Variants in PTGER4 observed in about 807,000 individuals in gnomAD.
PTGER4 encodes prostaglandin E receptor 4, also known as prostaglandin E2 receptor EP4 subtype.
Under a neutral mutation model 33.2 loss-of-function variants are expected in PTGER4, and 11 were observed. The ratio of observed to expected loss-of-function variants is 0.33; its 90% CI spans 0.21 to 0.55. The LOEUF (loss-of-function observed/expected upper bound fraction) is 0.55, where lower values mean the gene tolerates loss of function less well. Among genes scored for constraint, PTGER4 ranks in the 20% least tolerant of loss-of-function variants. The pLI is 0.92. For synonymous variants in PTGER4, 275 were observed against 281.5 expected (o/e 0.98, Z 0.23); for missense variants, 481 against 650.2 (o/e 0.74, Z 2.83).
At chr5:40,704,006 CA>C in the PTGER4 span, among the ~76,000 whole-genome samples, 1 of 142,518 alleles carries the variant, frequency 7.0e-6, no homozygotes, top group South Asian at 2.3e-4. Context: ...AGCTTAATAC[CA>C]AAACCTGGCA....
chr5:40,730,418 G>A, the PTGER4 span: 1 of 1,184,150 alleles, frequency 8.4e-7, no homozygotes, highest in Non-Finnish European at 1.2e-6. Context: ...AATTTTTATT[G>A]TAGTAAAATA....
At chr5:40,696,065 C>T (rs1237110484), downstream of PTGER4, among the ~76,000 whole-genome samples, 1 of 152,080 alleles carries the variant, frequency 6.6e-6, no homozygotes, top group Non-Finnish European at 1.5e-5. Flanking sequence ...CTCCCCGAAT[C>T]TAAAATAAAA....
At chr5:40,706,913 A>C in the PTGER4 span, among the ~76,000 whole-genome samples, 9 of 152,124 alleles carry the variant, frequency 5.9e-5, no homozygotes, top group African/African-American at 9.7e-5. Context: ...CCCAGAATTT[A>C]ATATCCAGCC....
chr5:40,728,531 T>C, the PTGER4 span: 1 of 1,490,434 alleles, frequency 6.7e-7, no homozygotes, highest in Non-Finnish European at 9.0e-7. Context: ...AACTAGCAAC[T>C]ACATAAAAAA....
At chr5:40,701,123 C>G in the PTGER4 span, among the ~76,000 whole-genome samples, 5 of 152,298 alleles carry the variant, frequency 3.3e-5, no homozygotes, top group Non-Finnish European at 5.9e-5. Flanking sequence ...CTCCAATGGT[C>G]AGAGTGTCCT....
chr5:40,720,025 CAA>C, the PTGER4 span, among the ~76,000 whole-genome samples: 2 of 152,130 alleles, frequency 1.3e-5, no homozygotes, highest in Admixed American at 6.5e-5. Flanking sequence ...TTTTGAAGCA[CAA>C]AAGTGTTTAA....
At chr5:40,696,532 C>G, downstream of PTGER4, 1 of 322,860 alleles carries the variant, frequency 3.1e-6, no homozygotes, top group Non-Finnish European at 4.5e-6. Context: ...ACAGCTGGTG[C>G]TTTAGCCCCA....
At chr5:40,745,786 G>A in the PTGER4 span, among the ~76,000 whole-genome samples, 1 of 151,182 alleles carries the variant, frequency 6.6e-6, no homozygotes, top group Non-Finnish European at 1.5e-5. Context: ...CCAGGGTGGA[G>A]GGCAGTGGCA....
Position 40,681,874 on chromosome 5 carries a change from G to A in PTGER4, c.867+14G>A. 2 of 1,492,330 alleles carry A rather than the reference G, an allele frequency of 1.3e-6. No homozygotes were observed. Among genetic ancestry groups the A allele is most frequent in the African/African-American group, 1.5e-5 (1 of 68,036 alleles). 92.4% of individuals were successfully genotyped at this position (1,492,330 alleles called of 1,614,324 possible). The stretch of plus-strand genomic sequence containing the variant: ...ATCCCGCTCGTGGTGAGTGACCGGG[G>A]CTGGGGCCCTACTCGGCCTTTTTCT... On this transcript the variant is annotated intron_variant, in intron 2 of 2. Transcript: ENST00000302472. This position sits in a 1 kb window ranked among gnomAD's most constrained non-coding sequence, Gnocchi z 9.8.
intron 2 of PTGER4, among the ~76,000 whole-genome samples, chr5:40,686,984 C>A (rs921082465): frequency 6.6e-6 from 1 of 152,120 alleles, no homozygotes; most frequent in Non-Finnish European, 1.5e-5. Flanking sequence ...TAGAAAAAGA[C>A]TTAAAATTGG....
rs1741498266 is a variant in PTGER4 at position 40,692,438 on chromosome 5, C to T, written c.*60C>T. ...CCCTTATAAAATCCTGTGCAATAGA[C>T]ACATACATGTCACATTTAGCTGTGC... On this transcript the variant is annotated 3_prime_UTR_variant, in exon 3 of 3. Coordinates refer to ENST00000302472, the MANE Select transcript of PTGER4 (RefSeq NM_000958.3). 8.6e-6 allele frequency: 13 copies of T among 1,512,012 alleles called. No individual in the cohort carries two copies. Among genetic ancestry groups the T allele is most frequent in the Admixed American group, 6.6e-5 (3 of 45,550 alleles). 93.7% of individuals were successfully genotyped at this position (1,512,012 alleles called of 1,614,324 possible).
chr5:40,730,208 C>A, the PTGER4 span: 1 of 1,397,964 alleles, frequency 7.2e-7, no homozygotes, highest in East Asian at 2.3e-5. Flanking sequence ...GCTCACTCAC[C>A]GAACAAACAT....
the PTGER4 span, among the ~76,000 whole-genome samples, chr5:40,741,142 A>G: frequency 1.3e-5 from 2 of 152,224 alleles, no homozygotes; most frequent in South Asian, 4.1e-4. Context: ...TTAGATGCTG[A>G]ATATTTTAAA....
chr5:40,735,216 A>G, the PTGER4 span, among the ~76,000 whole-genome samples: 4 of 152,378 alleles, frequency 2.6e-5, no homozygotes, highest in South Asian at 8.3e-4. Context: ...CAGAGTTTTT[A>G]TACAACAGTG....
At chr5:40,700,039 T>C in the PTGER4 span, among the ~76,000 whole-genome samples, 2 of 152,212 alleles carry the variant, frequency 1.3e-5, no homozygotes, top group Non-Finnish European at 1.5e-5. Context: ...ACATGTTAGG[T>C]ATGTAGAACA....
chr5:40,685,458 A>C, intron 2 of PTGER4: 1 of 985,422 alleles, frequency 1.0e-6, no homozygotes, highest in Non-Finnish European at 1.2e-6. Flanking sequence ...ACATCTATAC[A>C]TACAAGAGAA....
In PTGER4 at chr5:40,692,893, A is replaced by T; in HGVS notation, c.*515A>T. The T allele has an allele frequency of 3.1e-6, 3 of 983,064 alleles. No individual in the cohort carries two copies. Among genetic ancestry groups the T allele is most frequent in the Non-Finnish European group, 3.6e-6 (3 of 827,290 alleles). 60.9% of individuals were successfully genotyped at this position (983,064 alleles called of 1,614,324 possible). On this transcript the variant is annotated 3_prime_UTR_variant, in exon 3 of 3. Transcript: ENST00000302472. ...AGGTTTATTGTTAATACAAGGTATA[A>T]TAAAATTATCGCAACCCCTCTCCTT... is the stretch of plus-strand genomic sequence containing the variant.
the PTGER4 span, among the ~76,000 whole-genome samples, chr5:40,704,602 T>A: frequency 2.0e-5 from 3 of 152,190 alleles, no homozygotes; most frequent in East Asian, 3.8e-4. Context: ...CAAACACTCC[T>A]TCAACTGATA....
the PTGER4 span, among the ~76,000 whole-genome samples, chr5:40,701,571 C>A: frequency 6.6e-6 from 1 of 152,108 alleles, no homozygotes; most frequent in Non-Finnish European, 1.5e-5. Flanking sequence ...GCATTCCTGA[C>A]AGAAAGGGGG....
Sources: allele counts gnomAD v4.1 joint callset (sites outside exome capture counted in the v4.1 genomes callset), GRCh38; gene constraint gnomAD v4.1.1; non-coding constraint Gnocchi (gnomAD v3.1); transcripts MANE v1.5; gene names NCBI Gene and HGNC (gene_info 2026-07-23, HGNC 2026-07-21).